The following PARM1 variants were observed in gnomAD, a reference collection of about 807,000 sequenced individuals.
PARM1 encodes prostate androgen-regulated mucin-like protein 1.
PARM1 carries 14 observed loss-of-function variants against 24.6 expected under a neutral mutation model. The observed-to-expected ratio is 0.57, with a 90% confidence interval of 0.38 to 0.89. The LOEUF is 0.89. Ranked by LOEUF, PARM1 falls within the 40% of genes least tolerant of loss-of-function variation. The probability of loss-of-function intolerance (pLI) is 0.00; values close to 1 mark genes in which losing one functional copy is unlikely to be tolerated. For missense variants in PARM1, 362 were observed against 380.4 expected, an observed-to-expected ratio of 0.95 and a Z score of 0.40; for synonymous variants, 179 against 156.6, an observed-to-expected ratio of 1.14 and a Z score of -1.07.
chr4:74,964,773 A>T (rs186563134), intron 1 of PARM1, among the ~76,000 whole-genome samples: 8 of 152,222 alleles, frequency 5.3e-5, no homozygotes, highest in African/African-American at 1.9e-4. Context: ...GAATTAAAAC[A>T]TAAGTAAATA....
chr4:74,938,824 C>T (rs912616306), intron 1 of PARM1, among the ~76,000 whole-genome samples: 2 of 152,046 alleles, frequency 1.3e-5, no homozygotes, highest in African/African-American at 4.8e-5. Context: ...GGAACTTTGC[C>T]ATTGTGTAAG....
rs191074193 is a variant in PARM1 at position 75,033,038 on chromosome 4, G to A, written c.770-845G>A. Among the ~76,000 whole-genome samples, 247 of 152,318 alleles carry A rather than the reference G, an allele frequency of 1.6e-3. 1 individual carries two copies. Among genetic ancestry groups the A allele is most frequent in the African/African-American group, 5.5e-3 (229 of 41,578 alleles). ...ATGTTGTGCTTCAAAGTAGTATTTG[G>A]AGGAGGTGTGGTTATTCTTACAAGG... On this transcript the variant is annotated intron_variant, in intron 2 of 3. Transcript: ENST00000307428.
chr4:74,981,726 T>C (rs1407030340), intron 1 of PARM1, among the ~76,000 whole-genome samples: 2 of 151,806 alleles, frequency 1.3e-5, no homozygotes, highest in East Asian at 3.9e-4. Flanking sequence ...ACTACAAAAA[T>C]TAGCTGGGCA....
chr4:75,040,830 T>G (rs1723468294), intron 3 of PARM1, among the ~76,000 whole-genome samples: 1 of 152,174 alleles, frequency 6.6e-6, no homozygotes, highest in South Asian at 2.1e-4. Flanking sequence ...TGCTTTTGCC[T>G]CAGGGCCTCT....
At chr4:74,984,314 A>C (rs1314936872) in intron 1 of PARM1, among the ~76,000 whole-genome samples, 1 of 152,252 alleles carries the variant, frequency 6.6e-6, no homozygotes, top group East Asian at 1.9e-4. Flanking sequence ...GACCTGAAGC[A>C]GGGTTTAACA....
chr4:75,023,776 G>A (rs1009896587), intron 2 of PARM1, among the ~76,000 whole-genome samples: 9 of 152,190 alleles, frequency 5.9e-5, no homozygotes, highest in Admixed American at 4.6e-4. Context: ...ATCTTGGGGC[G>A]TTGGGGGAAA....
chr4:75,007,890 T>A (rs768379114), intron 1 of PARM1, among the ~76,000 whole-genome samples: 36 of 152,208 alleles, frequency 2.4e-4, no homozygotes, highest in Non-Finnish European at 3.1e-4. Flanking sequence ...TAGAAGGCGA[T>A]CATCTTCAAG....
At chr4:74,963,876 G>A (rs1454427095) in intron 1 of PARM1, among the ~76,000 whole-genome samples, 5 of 152,056 alleles carry the variant, frequency 3.3e-5, no homozygotes, top group African/African-American at 1.2e-4. Context: ...ATAAAAATGG[G>A]ATAATCAGGT....
chr4:74,938,940 C>T (rs1309168291), intron 1 of PARM1, among the ~76,000 whole-genome samples: 1 of 152,140 alleles, frequency 6.6e-6, no homozygotes, highest in Non-Finnish European at 1.5e-5. Context: ...TCTTAATTTT[C>T]CTTTGGCTAG....
intron 1 of PARM1, among the ~76,000 whole-genome samples, chr4:74,946,053 A>G (rs1398616333): frequency 6.6e-6 from 1 of 152,174 alleles, no homozygotes; most frequent in Non-Finnish European, 1.5e-5. Flanking sequence ...TTTACTAGGT[A>G]TCACACATTG....
At position 75,013,090 on chromosome 4, in the gene PARM1, G is replaced by A; in HGVS notation, c.709G>A (p.Glu237Lys). 6.2e-7 allele frequency: 1 copy of A among 1,613,984 alleles called. No individual in the cohort carries two copies. The highest frequency in any genetic ancestry group is 1.1e-5 in the South Asian group (1 of 91,084). ...GKVMCELIDM[E>K]TTTTFPRVIM... ...AGTGATGTGTGAGCTCATAGACATG[G>A]AGACCACCACCACCTTTCCCAGGGT... Residue 237 changes from glutamate (E) to lysine (K), a missense_variant, in exon 2 of 4, where the codon GAG (glutamate) becomes AAG (lysine). Physicochemically the swap from Glu to Lys is moderately conservative, Grantham distance 56. Coordinates refer to ENST00000307428, the MANE Select transcript of PARM1 (RefSeq NM_015393.4).
chr4:75,003,280 G>GT lies in PARM1; in HGVS notation c.44-9144dup, dbSNP rs368603668. 3.3e-3 allele frequency among the ~76,000 whole-genome samples: 500 copies of GT among 150,334 alleles called. 6 individuals are homozygous for GT. The highest frequency in any genetic ancestry group is 0.011 in the African/African-American group (465 of 40,814). On this transcript the variant is annotated intron_variant, in intron 1 of 3. Transcript: ENST00000307428. ...TATAGTCCCTCCCATCCTAGAAGCA[G>GT]TAAGTTTAAGGGACTGACAAAGACA... is the stretch of plus-strand genomic sequence containing the variant.
intron 1 of PARM1, among the ~76,000 whole-genome samples, chr4:74,954,554 T>C (rs1721595321): frequency 6.6e-6 from 1 of 152,228 alleles, no homozygotes; most frequent in South Asian, 2.1e-4. Context: ...AAGTATAGAT[T>C]GAATCTTGCT....
intron 3 of PARM1, among the ~76,000 whole-genome samples, chr4:75,041,784 A>G (rs1723489952): frequency 6.6e-6 from 1 of 152,220 alleles, no homozygotes. Flanking sequence ...CTATTAGGGA[A>G]GAGCCACTAG....
At chr4:74,953,484 A>T (rs1167215750) in intron 1 of PARM1, among the ~76,000 whole-genome samples, 1 of 152,240 alleles carries the variant, frequency 6.6e-6, no homozygotes, top group South Asian at 2.1e-4. Flanking sequence ...AGAGAAAGTC[A>T]TTGTTCTGCC....
intron 1 of PARM1, among the ~76,000 whole-genome samples, chr4:74,972,307 T>A (rs1026482547): frequency 4.6e-5 from 7 of 152,240 alleles, no homozygotes; most frequent in Non-Finnish European, 8.8e-5. Flanking sequence ...GTTTTTGCAA[T>A]GCAAAAAGAA....
intron 1 of PARM1, among the ~76,000 whole-genome samples, chr4:75,008,720 G>A (rs1355953004): frequency 6.6e-6 from 1 of 152,192 alleles, no homozygotes; most frequent in Non-Finnish European, 1.5e-5. Context: ...ATTACAGGAA[G>A]CTGAGTATGA....
chr4:74,973,965 A>G (rs1461893711), intron 1 of PARM1, among the ~76,000 whole-genome samples: 2 of 152,112 alleles, frequency 1.3e-5, no homozygotes, highest in East Asian at 3.9e-4. Flanking sequence ...GGGAAGTACC[A>G]CCATCTTCTG....
At chr4:74,935,858 A>C (rs1449396232) in intron 1 of PARM1, among the ~76,000 whole-genome samples, 1 of 152,140 alleles carries the variant, frequency 6.6e-6, no homozygotes, top group African/African-American at 2.4e-5. Flanking sequence ...ATATATTTTT[A>C]GACAAAGGGT....
Sources: gnomAD v4.1 joint callset for allele counts (sites outside exome capture counted in the v4.1 genomes callset) on GRCh38, gnomAD v4.1.1 for gene constraint, MANE v1.5 for transcripts, NCBI Gene and HGNC (gene_info 2026-07-23, HGNC 2026-07-21) for gene names.